NBEA: variants seen among roughly 807,000 people sequenced by gnomAD.
NBEA encodes neurobeachin, also known as lysosomal-trafficking regulator 2.
A neutral mutation model predicts 343.4 loss-of-function variants in NBEA; 44 were observed. The observed-to-expected ratio is 0.13, with a 90% CI of 0.10 to 0.16. The LOEUF (loss-of-function observed/expected upper bound fraction) is 0.16, where lower values mean the gene tolerates loss of function less well. NBEA is among the 10% of genes least tolerant of loss of function. NBEA has a pLI of 1.00. For synonymous variants in NBEA, 1,175 were observed against 1,238.7 expected, an observed-to-expected ratio of 0.95 and a Z score of 1.08; for missense variants, 2,555 against 3,631.3, an observed-to-expected ratio of 0.70 and a Z score of 7.62.
chr13:35,582,687 A>G (rs2153037632), intron 45 of NBEA, among the ~76,000 whole-genome samples: 1 of 152,280 alleles, frequency 6.6e-6, no homozygotes, highest in East Asian at 1.9e-4. Flanking sequence ...CAAAAAATGA[A>G]CATAATTTAC....
intron 33 of NBEA, among the ~76,000 whole-genome samples, chr13:35,217,795 T>C (rs2074147206): frequency 6.6e-6 from 1 of 152,096 alleles, no homozygotes; most frequent in African/African-American, 2.4e-5. Flanking sequence ...GAATACAGAC[T>C]ATTCCCAGCA....
chr13:35,182,570 T>C (rs1385875389), intron 29 of NBEA, 42 bp downstream of exon 29: 2 of 1,544,142 alleles, frequency 1.3e-6, no homozygotes, highest in East Asian at 2.4e-5. Flanking sequence ...CACCATGATG[T>C]ATCTCCTTTT....
chr13:35,232,749 G>C, intron 34 of NBEA, 130 bp downstream of exon 34: 1 of 676,648 alleles, frequency 1.5e-6, no homozygotes, highest in East Asian at 3.4e-5. Flanking sequence ...ATTCTAATAA[G>C]ATATTCAATA....
intron 40 of NBEA, among the ~76,000 whole-genome samples, chr13:35,467,970 CT>C (rs1156987682): frequency 1.3e-5 from 2 of 152,020 alleles, no homozygotes; most frequent in Admixed American, 6.6e-5. Context: ...AACTCCAACT[CT>C]TTTTTTTCCA....
intron 1 of NBEA, among the ~76,000 whole-genome samples, chr13:35,032,017 A>G (rs187886371): frequency 2.6e-5 from 4 of 151,882 alleles, no homozygotes; most frequent in South Asian, 2.1e-4. Flanking sequence ...TCCATCTGGT[A>G]TATGTACCAC....
chr13:35,143,631 A>G (rs568082334), intron 18 of NBEA, among the ~76,000 whole-genome samples: 2 of 152,322 alleles, frequency 1.3e-5, no homozygotes, highest in Admixed American at 6.5e-5. Context: ...TAAACAGAAT[A>G]TCTCATCATT....
intron 10 of NBEA, among the ~76,000 whole-genome samples, chr13:35,092,790 T>G (rs2065152978): frequency 6.6e-6 from 1 of 152,058 alleles, no homozygotes; most frequent in Admixed American, 6.6e-5. Context: ...TTTGGCAGTT[T>G]ATTATAAAGT....
intron 35 of NBEA, among the ~76,000 whole-genome samples, chr13:35,305,961 A>T (rs1213131613): frequency 3.3e-5 from 5 of 152,144 alleles, no homozygotes; most frequent in African/African-American, 9.7e-5. Flanking sequence ...AAACTGGCTG[A>T]TGTTAAACTC....
chr13:35,130,632 C>G (rs551534357), intron 17 of NBEA, among the ~76,000 whole-genome samples: 1 of 151,542 alleles, frequency 6.6e-6, no homozygotes, highest in East Asian at 1.9e-4. Context: ...ATATTTTTTT[C>G]CTTAGAAGAT....
At chr13:35,645,041 T>C (rs866667539) in intron 49 of NBEA, among the ~76,000 whole-genome samples, 1 of 152,370 alleles carries the variant, frequency 6.6e-6, no homozygotes, top group South Asian at 2.1e-4. Flanking sequence ...GCTAATAAAT[T>C]TGCAGGTTCG....
chr13:35,465,801 T>C (rs567035073), intron 40 of NBEA, among the ~76,000 whole-genome samples: 16 of 151,804 alleles, frequency 1.1e-4, no homozygotes, highest in Non-Finnish European at 1.9e-4. Flanking sequence ...AATCACACAT[T>C]GCCTTTGCAG....
At chr13:35,574,298 A>AG in intron 45 of NBEA, among the ~76,000 whole-genome samples, 1 of 151,366 alleles carries the variant, frequency 6.6e-6, no homozygotes, top group East Asian at 1.9e-4. Flanking sequence ...ATTCTTTAAA[A>AG]AAAAAAAAAA....
Position 35,171,336 on chromosome 13 carries a change from G to T in NBEA, c.4307G>T (p.Ser1436Ile). Reference protein sequence around the residue: ...MSAETAVTFLSRLMAMVDVLV... With the variant: ...MSAETAVTFLIRLMAMVDVLV... ...GCTGAGACAGCAGTAACTTTCCTCA[G>T]CCGGCTGATGGCTATGGTTGATGTA... The change falls in exon 26 of 59, where the codon AGC becomes ATC. Residue 1436 changes from serine (S) to isoleucine (I), a missense_variant. Ser to Ile is a moderately radical substitution (Grantham distance 142, BLOSUM62 -2). Around this residue, in one of 21 missense-constraint regions of NBEA, gnomAD observed 168 missense variants for 193.0 expected, o/e 0.87. Transcript: ENST00000379939. The T allele has an allele frequency of 6.2e-7, 1 of 1,612,492 alleles. No individual in the cohort carries two copies.
chr13:34,986,440 G>C (rs190121092), intron 1 of NBEA, among the ~76,000 whole-genome samples: 1 of 150,950 alleles, frequency 6.6e-6, no homozygotes, highest in East Asian at 1.9e-4. Flanking sequence ...TTGCTGAGGA[G>C]TGCTTTACTT....
At chr13:35,001,305 C>T (rs187854541) in intron 1 of NBEA, among the ~76,000 whole-genome samples, 8 of 152,124 alleles carry the variant, frequency 5.3e-5, no homozygotes, top group Non-Finnish European at 1.2e-4. Flanking sequence ...TATGATCCAG[C>T]AGTCCCACTA....
At chr13:35,188,882 T>A (rs372705188) in intron 30 of NBEA, among the ~76,000 whole-genome samples, 20 of 150,998 alleles carry the variant, frequency 1.3e-4, no homozygotes, top group African/African-American at 4.6e-4. Context: ...TCACATCTTC[T>A]CCAACACCTA....
chr13:35,115,665 T>C (rs539699933), intron 13 of NBEA, among the ~76,000 whole-genome samples: 1 of 152,340 alleles, frequency 6.6e-6, no homozygotes, highest in Non-Finnish European at 1.5e-5. Context: ...TTTGCAGAAA[T>C]GGATTTATAT....
intron 44 of NBEA, among the ~76,000 whole-genome samples, chr13:35,563,449 A>G (rs1002225471): frequency 6.6e-6 from 1 of 151,926 alleles, no homozygotes; most frequent in Non-Finnish European, 1.5e-5. Context: ...TCATGATTAA[A>G]ACATATCAAT....
At chr13:35,104,080 G>C (rs112897253) in intron 11 of NBEA, among the ~76,000 whole-genome samples, 2,432 of 151,806 alleles carry the variant, frequency 0.016, 66 homozygotes, top group African/African-American at 0.05. Flanking sequence ...TTTAGGCAAA[G>C]GTCTTTTTGC....
Sources: allele counts gnomAD v4.1 joint callset (sites outside exome capture counted in the v4.1 genomes callset), GRCh38; gene constraint gnomAD v4.1.1; regional missense constraint gnomAD v4.1.1; transcripts MANE v1.5; gene names NCBI Gene and HGNC (gene_info 2026-07-23, HGNC 2026-07-21).